ALK: variants seen among roughly 807,000 people sequenced by gnomAD.
ALK encodes the protein ALK tyrosine kinase receptor.
In ALK, 74 loss-of-function variants were observed where a neutral mutation model predicts 163.1. The observed-to-expected ratio is 0.45, with a 90% CI of 0.38 to 0.55. The LOEUF is 0.55. Among genes scored for constraint, ALK ranks in the 20% least tolerant of loss-of-function variants. ALK has a pLI of 0.00. For synonymous variants in ALK, 960 were observed against 843.2 expected (o/e 1.14, Z -2.40); for missense variants, 2,063 against 2,105.3 (o/e 0.98, Z 0.39).
At chr2:29,761,979 T>A (rs1371953244) in intron 1 of ALK, among the ~76,000 whole-genome samples, 2 of 152,244 alleles carry the variant, frequency 1.3e-5, no homozygotes, top group Non-Finnish European at 2.9e-5. Flanking sequence ...TTAATTATTC[T>A]GGAAAATGCA....
chr2:29,717,827 A>G (rs1558457510), intron 1 of ALK, 130 bp from the exon 2 acceptor site: 12 of 1,228,648 alleles, frequency 9.8e-6, no homozygotes, highest in Non-Finnish European at 1.4e-5. Context: ...TGAGGGGGAA[A>G]AAATTGAGCC....
intron 25 of ALK, chr2:29,207,995 A>G (rs1057317765): frequency 7.0e-5 from 31 of 440,188 alleles, no homozygotes; most frequent in Non-Finnish European, 1.3e-4. Flanking sequence ...GTCGACATTA[A>G]TTAATTACCT....
intron 26 of ALK, among the ~76,000 whole-genome samples, chr2:29,202,467 C>T (rs1669207105): frequency 6.6e-6 from 1 of 152,232 alleles, no homozygotes; most frequent in Admixed American, 6.5e-5. Context: ...TGTCAGCTCT[C>T]CCTTTCTTTA....
At chr2:29,385,651 A>G (rs1034478685) in intron 4 of ALK, among the ~76,000 whole-genome samples, 1 of 152,130 alleles carries the variant, frequency 6.6e-6, no homozygotes, top group Middle Eastern at 3.2e-3. Context: ...TCAGCCTCCC[A>G]AAGTGCTGAG....
At chr2:29,653,039 G>A (rs892656471) in intron 3 of ALK, among the ~76,000 whole-genome samples, 4 of 152,150 alleles carry the variant, frequency 2.6e-5, no homozygotes, top group Admixed American at 6.5e-5. Context: ...GTAGGAAGCA[G>A]GGGCATTTTG....
intron 5 of ALK, among the ~76,000 whole-genome samples, chr2:29,369,439 G>A (rs1434156803): frequency 1.3e-5 from 2 of 152,152 alleles, no homozygotes; most frequent in African/African-American, 4.8e-5. Context: ...CTTAGAGTAA[G>A]GATGAAAAGA....
intron 5 of ALK, among the ~76,000 whole-genome samples, chr2:29,355,977 A>G (rs1668236727): frequency 6.6e-6 from 1 of 152,162 alleles, no homozygotes; most frequent in Admixed American, 6.5e-5. Flanking sequence ...GTGGTATCTT[A>G]TAATCAGCCA....
Position 29,207,245 on chromosome 2 carries a change from A to G in ALK, c.3864T>C (p.Cys1288=), listed in dbSNP as rs2148152156. Residue 1288 remains cysteine (C), a synonymous_variant, in exon 26 of 29, where the codon TGT becomes TGC. Coordinates refer to ENST00000389048, the MANE Select transcript of ALK (RefSeq NM_004304.5). ...GCATCCACTTAACTGGCAGCATGGC[A>G]CAGCCTCCCTTTCTATAGTAGCTCG... ...YRASYYRKGG[C]AMLPVKWMPP... The G allele has an allele frequency of 6.2e-7, 1 of 1,614,172 alleles. No homozygotes were observed. Among genetic ancestry groups the G allele is most frequent in the Non-Finnish European group, 8.5e-7 (1 of 1,180,020 alleles).
intron 1 of ALK, among the ~76,000 whole-genome samples, chr2:29,725,154 CA>C (rs757959526): frequency 3.4e-4 from 23 of 67,374 alleles, no homozygotes; most frequent in Admixed American, 8.8e-4. Context: ...TATCCTATAC[CA>C]AAAAAAAAAA....
At chr2:29,622,626 C>T (rs1676068560) in intron 3 of ALK, among the ~76,000 whole-genome samples, 1 of 152,140 alleles carries the variant, frequency 6.6e-6, no homozygotes, top group Admixed American at 6.5e-5. Flanking sequence ...ACACAGAACC[C>T]AGCTTCTCTG....
chr2:29,658,369 A>G (rs7583871), intron 3 of ALK, among the ~76,000 whole-genome samples: 27,028 of 152,060 alleles, frequency 0.18, 5,527 homozygotes, highest in African/African-American at 0.5. Flanking sequence ...AACTACCTGC[A>G]TGGAAAGCTG....
chr2:29,701,739 G>A (rs563689811), intron 2 of ALK, among the ~76,000 whole-genome samples: 1 of 152,254 alleles, frequency 6.6e-6, no homozygotes, highest in Non-Finnish European at 1.5e-5. Context: ...TGGTCACCAT[G>A]CCAGGCACCT....
intron 3 of ALK, among the ~76,000 whole-genome samples, chr2:29,545,848 T>C (rs191138494): frequency 6.6e-6 from 1 of 152,218 alleles, no homozygotes; most frequent in Non-Finnish European, 1.5e-5. Context: ...TTCTTGATAG[T>C]ATTATTAATC....
rs534205045 is a variant in ALK at position 29,744,768 on chromosome 2, T to C, written c.668-27071A>G. On this transcript the variant is annotated intron_variant, in intron 1 of 28. Transcript: ENST00000389048. ...ACATCATCTGTAAGAGGCCTTTCCA[T>C]GTGGCCACTTGGCTTTTTTACAACA... is the stretch of plus-strand genomic sequence containing the variant. Among the ~76,000 whole-genome samples the C allele has an allele frequency of 3.9e-5, 6 of 152,150 alleles. No homozygotes were observed. The Middle Eastern group carries it at 0.017, about 431-fold the overall frequency.
chr2:29,503,879 A>G lies in ALK; in HGVS notation c.1154+28036T>C, dbSNP rs146713205. Among the ~76,000 whole-genome samples the G allele has an allele frequency of 3.9e-5, 6 of 152,164 alleles. No individual in the cohort carries two copies. In the East Asian group the frequency reaches 1.2e-3, roughly 30 times the overall value. ...TTACTGTGGATATAATGAGATCCAT[A>G]AAGTTCTTGCCCTCATGGAGCTTTC... On this transcript the variant is annotated intron_variant, in intron 4 of 28. Transcript: ENST00000389048.
chr2:29,268,123 G>A (rs570342261), intron 11 of ALK, among the ~76,000 whole-genome samples: 1 of 152,334 alleles, frequency 6.6e-6, no homozygotes, highest in East Asian at 1.9e-4. Flanking sequence ...TTATGTGGAA[G>A]CATTTTGTCA....
chr2:29,473,330 A>G (rs1671416055), intron 4 of ALK, among the ~76,000 whole-genome samples: 1 of 152,242 alleles, frequency 6.6e-6, no homozygotes, highest in South Asian at 2.1e-4. Flanking sequence ...TATAGACCTA[A>G]ATGTGAAAGG....
At chr2:29,281,262 C>T (rs555926985) in intron 9 of ALK, among the ~76,000 whole-genome samples, 2 of 152,170 alleles carry the variant, frequency 1.3e-5, no homozygotes, top group African/African-American at 2.4e-5. Flanking sequence ...AGTTACTCCT[C>T]TGCCCCACTT....
chr2:29,635,596 G>C lies in ALK; in HGVS notation c.952+59254C>G, dbSNP rs1029204601. ...TTAATTTCTGGCCTTTAGAACTCTGGATAATACATTTCTATTGTTTTATTT... is the reference window on the plus strand; with the variant it reads ...TTAATTTCTGGCCTTTAGAACTCTGCATAATACATTTCTATTGTTTTATTT... On this transcript the variant is annotated intron_variant, in intron 3 of 28. Transcript: ENST00000389048. 1.3e-4 allele frequency among the ~76,000 whole-genome samples: 19 copies of C among 151,984 alleles called. 1 individual carries two copies. Among genetic ancestry groups the C allele is most frequent in the Admixed American group, 1.1e-3 (17 of 15,238 alleles).
Sources: allele counts gnomAD v4.1 joint callset (sites outside exome capture counted in the v4.1 genomes callset), GRCh38; gene constraint gnomAD v4.1.1; transcripts MANE v1.5; gene names NCBI Gene and HGNC (gene_info 2026-07-23, HGNC 2026-07-21).